ABHD12: variants seen among roughly 807,000 people sequenced by gnomAD.
ABHD12 encodes the protein lysophosphatidylserine lipase ABHD12.
Under a neutral mutation model 58.3 loss-of-function variants are expected in ABHD12, and 43 were observed. That is an observed-to-expected ratio of 0.74 (90% CI 0.58 to 0.95). The LOEUF is 0.95. Ranked by LOEUF, ABHD12 falls within the 40% of genes least tolerant of loss-of-function variation. ABHD12 has a pLI of 0.00. For synonymous variants in ABHD12, 219 were observed against 211.2 expected, an observed-to-expected ratio of 1.04 and a Z score of -0.32; for missense variants, 539 against 537.2, an observed-to-expected ratio of 1.00 and a Z score of -0.03.
chr20:25,295,762 A>T, downstream of ABHD12: 3 of 1,407,442 alleles, frequency 2.1e-6, no homozygotes, highest in Non-Finnish European at 3.0e-6. Context: ...AGCTGAGTAG[A>T]TTCTTGGCCT....
intron 1 of ABHD12, among the ~76,000 whole-genome samples, chr20:25,353,640 G>A (rs960393870): frequency 6.6e-6 from 1 of 152,128 alleles, no homozygotes; most frequent in East Asian, 1.9e-4. Flanking sequence ...TTCTACCCCC[G>A]GCAGGCAGAC....
chr20:25,358,182 G>A (rs755345879), intron 1 of ABHD12, among the ~76,000 whole-genome samples: 8 of 152,174 alleles, frequency 5.3e-5, no homozygotes, highest in South Asian at 4.2e-4. Flanking sequence ...CTCAAATTAC[G>A]CTAAATAATT....
chr20:25,314,923 A>T lies in ABHD12; in HGVS notation c.619+2T>A. On this transcript the variant is annotated splice_donor_variant, in intron 6 of 12. Transcript: ENST00000339157. LOFTEE classifies it high-confidence loss of function. The stretch of plus-strand genomic sequence containing the variant: ...CAGATGCTCTTGCAAAAGAAATCTC[A>T]CCTCTGTAGTCAAAGGTGACCACAT... The T allele has an allele frequency of 6.2e-7, 1 of 1,614,080 alleles. No homozygotes were observed. The highest frequency in any genetic ancestry group is 2.2e-5 in the East Asian group (1 of 44,878).
intron 1 of ABHD12, among the ~76,000 whole-genome samples, chr20:25,359,778 C>T (rs1167913314): frequency 6.6e-6 from 1 of 152,096 alleles, no homozygotes; most frequent in Non-Finnish European, 1.5e-5. Context: ...CCATGTTGGC[C>T]AGACTGGTCT....
At chr20:25,389,756 G>A (rs2090143803) in intron 1 of ABHD12, among the ~76,000 whole-genome samples, 1 of 152,208 alleles carries the variant, frequency 6.6e-6, no homozygotes, top group Non-Finnish European at 1.5e-5. Context: ...GCGAACTTGT[G>A]CGGACAGATT....
chr20:25,367,725 ATGT>A (rs1442034348), intron 1 of ABHD12, among the ~76,000 whole-genome samples: 1 of 152,192 alleles, frequency 6.6e-6, no homozygotes, highest in Admixed American at 6.5e-5. Flanking sequence ...AGGTTCATTC[ATGT>A]TGTAGCATAT....
At chr20:25,330,385 G>T (rs985748976) in intron 2 of ABHD12, among the ~76,000 whole-genome samples, 1 of 152,256 alleles carries the variant, frequency 6.6e-6, no homozygotes, top group African/African-American at 2.4e-5. Context: ...CGAGGCTTGG[G>T]GAGGGGCGCC....
intron 2 of ABHD12, among the ~76,000 whole-genome samples, chr20:25,331,501 T>G (rs1241523007): frequency 6.6e-6 from 1 of 151,602 alleles, no homozygotes. Context: ...GACACATAAT[T>G]GTCAGATTCA....
chr20:25,313,616 A>AATAAAATAAG (rs2088906229), intron 6 of ABHD12, among the ~76,000 whole-genome samples: 1 of 150,674 alleles, frequency 6.6e-6, no homozygotes. Flanking sequence ...AATAAAATAA[A>AATAAAATAAG]ATAAAATAAA....
At chr20:25,350,752 C>G (rs1278455559) in intron 1 of ABHD12, among the ~76,000 whole-genome samples, 2 of 152,180 alleles carry the variant, frequency 1.3e-5, no homozygotes, top group Admixed American at 6.5e-5. Context: ...CCAGAGAAAC[C>G]TGTTAACAGA....
intron 1 of ABHD12, among the ~76,000 whole-genome samples, chr20:25,363,392 T>A (rs1291367684): frequency 1.3e-5 from 2 of 151,752 alleles, no homozygotes; most frequent in Admixed American, 6.6e-5. Context: ...CTAATTTTTG[T>A]ATTTTTAGTA....
chr20:25,369,850 C>T (rs1474300919), intron 1 of ABHD12, among the ~76,000 whole-genome samples: 1 of 140,724 alleles, frequency 7.1e-6, no homozygotes, highest in Non-Finnish European at 1.5e-5. Context: ...GGGGCTGAGG[C>T]GAGAGGATTG....
At chr20:25,364,178 G>A (rs1391199531) in intron 1 of ABHD12, among the ~76,000 whole-genome samples, 1 of 152,104 alleles carries the variant, frequency 6.6e-6, no homozygotes, top group African/African-American at 2.4e-5. Flanking sequence ...AAAATCATTC[G>A]CCTTCACTTT....
At position 25,306,870 on chromosome 20, in the gene ABHD12, T is replaced by C; in HGVS notation, c.913A>G (p.Ile305Val). ...GCAAATTTAATTCCACTACTTGTAA[T>C]AGGATCAAGGAAGAACCAGTCAAAC... The part of the protein sequence containing the change: ...PGFDWFFLDP[I>V]TSSGIKFAND... The change falls in exon 10 of 13, where the codon ATT becomes GTT. Residue 305 changes from isoleucine (I) to valine (V), a missense_variant. Physicochemically the swap from Ile to Val is conservative, Grantham distance 29. Transcript: ENST00000339157. 2 of 1,612,860 alleles carry C rather than the reference T, an allele frequency of 1.2e-6. No homozygotes were observed. The highest frequency in any genetic ancestry group is 2.2e-5 in the East Asian group (1 of 44,876).
At chr20:25,357,034 T>C (rs541488922) in intron 1 of ABHD12, among the ~76,000 whole-genome samples, 1 of 152,170 alleles carries the variant, frequency 6.6e-6, no homozygotes, top group Non-Finnish European at 1.5e-5. Context: ...GTTGGGGAAA[T>C]ATAACTAGAA....
At chr20:25,304,013 CATTT>C (rs2088689371) in intron 10 of ABHD12, among the ~76,000 whole-genome samples, 1 of 152,234 alleles carries the variant, frequency 6.6e-6, no homozygotes, top group Admixed American at 6.5e-5. Flanking sequence ...GTGTAAGTGA[CATTT>C]ATGGTCACTC....
chr20:25,324,652 C>T (rs1165979336), intron 2 of ABHD12, among the ~76,000 whole-genome samples: 1 of 152,036 alleles, frequency 6.6e-6, no homozygotes, highest in Non-Finnish European at 1.5e-5. Context: ...GCACATCTAG[C>T]CTCACTTCCT....
At chr20:25,367,766 A>G (rs2146100786) in intron 1 of ABHD12, among the ~76,000 whole-genome samples, 1 of 152,360 alleles carries the variant, frequency 6.6e-6, no homozygotes, top group Middle Eastern at 3.4e-3. Flanking sequence ...TTGTACAGAT[A>G]TACCACATTT....
At chr20:25,314,992 T>C in intron 5 of ABHD12, 22 bp from the exon 6 acceptor site, 3 of 1,613,958 alleles carry the variant, frequency 1.9e-6, no homozygotes, top group South Asian at 1.1e-5. Flanking sequence ...AAAATAAACA[T>C]CTTTGGCAAC....
Sources: allele counts gnomAD v4.1 joint callset (sites outside exome capture counted in the v4.1 genomes callset), GRCh38; gene constraint gnomAD v4.1.1; transcripts MANE v1.5; gene names NCBI Gene and HGNC (gene_info 2026-07-23, HGNC 2026-07-21).